PIK3CB: variants seen among roughly 807,000 people sequenced by gnomAD.
PIK3CB encodes phosphatidylinositol-4,5-bisphosphate 3-kinase catalytic subunit beta.
A neutral mutation model predicts 136.8 loss-of-function variants in PIK3CB; 39 were observed. The ratio of observed to expected loss-of-function variants is 0.29; its 90% CI spans 0.22 to 0.37. The LOEUF is 0.37. PIK3CB is among the 10% of genes least tolerant of loss of function. The pLI is 1.00. For synonymous variants in PIK3CB, 428 were observed against 436.6 expected, an observed-to-expected ratio of 0.98 and a Z score of 0.25; for missense variants, 868 against 1,275.4, an observed-to-expected ratio of 0.68 and a Z score of 4.87.
chr3:138,831,953 ACTGGGTAACATCC>A (rs1227271751), intron 1 of PIK3CB, among the ~76,000 whole-genome samples: 1 of 152,062 alleles, frequency 6.6e-6, no homozygotes, highest in Non-Finnish European at 1.5e-5. Context: ...GGCCCATAAG[ACTGGGTAACATCC>A]CCATAGCCCC....
chr3:138,740,567 A>G (rs2045223062), intron 5 of PIK3CB, among the ~76,000 whole-genome samples: 1 of 152,130 alleles, frequency 6.6e-6, no homozygotes, highest in Admixed American at 6.5e-5. Context: ...CTCACCTCCC[A>G]GTAAGACACC....
intron 14 of PIK3CB, among the ~76,000 whole-genome samples, chr3:138,691,848 T>TA (rs1350737839): frequency 4.6e-5 from 7 of 152,200 alleles, no homozygotes; most frequent in African/African-American, 7.2e-5. Flanking sequence ...CTGATCATGC[T>TA]AAAAAATTTG....
At chr3:138,807,824 G>A (rs1405883421) in intron 1 of PIK3CB, among the ~76,000 whole-genome samples, 1 of 151,922 alleles carries the variant, frequency 6.6e-6, no homozygotes, top group African/African-American at 2.4e-5. Context: ...GAGCTCGGGA[G>A]GTTGAGGCTG....
intron 1 of PIK3CB, among the ~76,000 whole-genome samples, chr3:138,805,768 T>TCACCAGG (rs1400412264): frequency 5.3e-5 from 8 of 151,812 alleles, no homozygotes; most frequent in African/African-American, 1.9e-4. Flanking sequence ...TCTCGCTCTG[T>TCACCAGG]CACCAGGCTG....
chr3:138,669,411 A>G (rs1233251378), intron 19 of PIK3CB, among the ~76,000 whole-genome samples: 4 of 133,620 alleles, frequency 3.0e-5, no homozygotes, highest in African/African-American at 1.2e-4. Flanking sequence ...CTGTTTCAAA[A>G]AAAAAAAAAA....
intron 13 of PIK3CB, among the ~76,000 whole-genome samples, chr3:138,696,369 T>A (rs2044138215): frequency 6.6e-6 from 1 of 151,948 alleles, no homozygotes; most frequent in African/African-American, 2.4e-5. Context: ...ATTTATTTAT[T>A]CTTGTAGAGA....
At position 138,712,175 on chromosome 3, in the gene PIK3CB, C is replaced by T. The variant is rs746878725; in HGVS notation, c.1399+33G>A. The stretch of plus-strand genomic sequence containing the variant: ...GTCCACATGCCAAAAGTTAGTTATG[C>T]TTTAACACTAAGGATAAGAATGTAA... On this transcript the variant is annotated intron_variant, in intron 10 of 23. Transcript: ENST00000674063. The T allele has an allele frequency of 8.3e-6, 9 of 1,081,708 alleles. No homozygotes were observed. The South Asian group carries it at 1.2e-4, about 15-fold the overall frequency. 67.0% of individuals were successfully genotyped at this position (1,081,708 alleles called of 1,614,324 possible).
intron 1 of PIK3CB, among the ~76,000 whole-genome samples, chr3:138,830,375 C>A (rs545006709): frequency 5.3e-5 from 8 of 151,934 alleles, no homozygotes; most frequent in African/African-American, 1.7e-4. Flanking sequence ...TATGGTGAAA[C>A]CCTGTCTCTA....
chr3:138,788,420 A>G (rs1406610923), intron 2 of PIK3CB, among the ~76,000 whole-genome samples: 4 of 149,202 alleles, frequency 2.7e-5, no homozygotes, highest in East Asian at 4.1e-4. Context: ...ACTTTGGAAG[A>G]CCGAGGCGGG....
intron 1 of PIK3CB, among the ~76,000 whole-genome samples, chr3:138,811,645 T>C (rs1933064398): frequency 6.6e-6 from 1 of 152,064 alleles, no homozygotes. Context: ...AGGATGGTCT[T>C]GATCTCCTGA....
rs141686367 is a variant in PIK3CB, at chr3:138,764,480, T to A, written c.-16-5121A>T. ...GTAAAATAAAAAATAAAATGAATTA[T>A]GAGACAGGGCATGGCAGCTCACACC... On this transcript the variant is annotated intron_variant, in intron 2 of 23. Transcript: ENST00000674063. Among the ~76,000 whole-genome samples, 199 of 150,448 alleles carry A rather than the reference T, an allele frequency of 1.3e-3. 1 individual carries two copies. Among genetic ancestry groups the A allele is most frequent in the African/African-American group, 4.8e-3 (195 of 40,910 alleles).
chr3:138,723,783 G>A (rs1452916877), intron 8 of PIK3CB, among the ~76,000 whole-genome samples: 4 of 152,052 alleles, frequency 2.6e-5, no homozygotes, highest in Non-Finnish European at 5.9e-5. Flanking sequence ...AATAAGATAT[G>A]AATTTTTTTC....
At chr3:138,667,540 TTTTTTATTTA>T (rs1259933069) in intron 19 of PIK3CB, among the ~76,000 whole-genome samples, 1 of 151,848 alleles carries the variant, frequency 6.6e-6, no homozygotes, top group African/African-American at 2.4e-5. Context: ...TATTTTATGC[TTTTTTATTTA>T]TTTTTATTTT....
chr3:138,747,803 A>T (rs1266920725), intron 4 of PIK3CB, among the ~76,000 whole-genome samples: 1 of 152,186 alleles, frequency 6.6e-6, no homozygotes. Flanking sequence ...TATACGTATT[A>T]AAAAATATCC....
chr3:138,761,948 A>AAC (rs1184826976), intron 2 of PIK3CB, among the ~76,000 whole-genome samples: 1 of 149,016 alleles, frequency 6.7e-6, no homozygotes, highest in Non-Finnish European at 1.5e-5. Context: ...TCAAAAAAAA[A>AAC]AAACCAACTA....
intron 1 of PIK3CB, among the ~76,000 whole-genome samples, chr3:138,802,021 C>G (rs184254160): frequency 1.3e-5 from 2 of 150,014 alleles, no homozygotes; most frequent in Non-Finnish European, 3.0e-5. Context: ...CCAGCCTGGG[C>G]GAAGCAGCAA....
intron 2 of PIK3CB, among the ~76,000 whole-genome samples, chr3:138,786,775 A>C (rs894513215): frequency 4.6e-5 from 7 of 152,240 alleles, no homozygotes; most frequent in Non-Finnish European, 8.8e-5. Flanking sequence ...GGTTTAAAAA[A>C]CAGTATTGAG....
chr3:138,830,948 TAATAAA>T (rs1416109150), intron 1 of PIK3CB, among the ~76,000 whole-genome samples: 17 of 141,118 alleles, frequency 1.2e-4, no homozygotes, highest in African/African-American at 4.6e-4. Context: ...ATAATAATAA[TAATAAA>T]GCAGGAACTC....
chr3:138,812,143 C>T (rs1003187511), intron 1 of PIK3CB, among the ~76,000 whole-genome samples: 4 of 151,784 alleles, frequency 2.6e-5, no homozygotes, highest in Non-Finnish European at 4.4e-5. Flanking sequence ...ATAACATTCT[C>T]GAAACGACAA....
Sources: gnomAD v4.1 joint callset for allele counts (sites outside exome capture counted in the v4.1 genomes callset) on GRCh38, gnomAD v4.1.1 for gene constraint, MANE v1.5 for transcripts, NCBI Gene and HGNC (gene_info 2026-07-23, HGNC 2026-07-21) for gene names.